The following PLAGL1 variants were observed in gnomAD, a reference collection of about 807,000 sequenced individuals.
The protein encoded by PLAGL1 is PLAG1 like zinc finger 1, also known as zinc finger protein PLAGL1.
A neutral mutation model predicts 4.6 loss-of-function variants in PLAGL1; 1 was observed. The ratio of observed to expected loss-of-function variants is 0.22; its 90% CI spans 0.08 to 1.03. The LOEUF (loss-of-function observed/expected upper bound fraction) is 1.03, where lower values mean the gene tolerates loss of function less well. Among genes scored for constraint, PLAGL1 ranks in the 50% least tolerant of loss-of-function variants. The pLI, the probability that PLAGL1 is intolerant of heterozygous loss-of-function variation, is 0.58. For missense variants in PLAGL1, 464 were observed against 570.4 expected (o/e 0.81, Z 1.90); for synonymous variants, 240 against 237.8 (o/e 1.01, Z -0.08).
At chr6:143,986,789 C>T (rs12660374) in intron 1 of PLAGL1, among the ~76,000 whole-genome samples, 9,749 of 152,172 alleles carry the variant, frequency 0.064, 424 homozygotes, top group East Asian at 0.19. Context: ...GCTTAAAAGG[C>T]GCCTGCTCAA....
In PLAGL1 at chr6:143,990,852, T is replaced by C. The variant is rs980295902; in HGVS notation, c.-583-5678A>G. 6.6e-6 allele frequency among the ~76,000 whole-genome samples: 1 copy of C among 152,212 alleles called. No individual in the cohort carries two copies. Among genetic ancestry groups the C allele is most frequent in the African/African-American group, 2.4e-5 (1 of 41,454 alleles). ...CAGACACATTCCTTAGAATATCTCA[T>C]TGTTTTTCATTATTTTTAATTGAGA... is the stretch of plus-strand genomic sequence containing the variant. On this transcript the variant is annotated intron_variant, in intron 1 of 7. Transcript: ENST00000674357. This position sits in a 1 kb window ranked among gnomAD's most constrained non-coding sequence, Gnocchi z 5.4.
Position 143,945,259 on chromosome 6 carries a change from C to G in PLAGL1, c.153-2596G>C, listed in dbSNP as rs754919401. Reference sequence around the variant, plus strand: ...AAACAGCTTTAGTATGTCCTAGAGTCAGTACCCAATGCCACCATCTTTGGG... The same window carrying G: ...AAACAGCTTTAGTATGTCCTAGAGTGAGTACCCAATGCCACCATCTTTGGG... On this transcript the variant is annotated intron_variant, in intron 7 of 7. Transcript: ENST00000674357. The surrounding 1 kb of genome is among the most constrained non-coding windows in gnomAD (Gnocchi z 4.2). Among the ~76,000 whole-genome samples, 1 of 152,164 alleles carries G rather than the reference C, an allele frequency of 6.6e-6. No individual in the cohort carries two copies. The highest frequency in any genetic ancestry group is 1.5e-5 in the Non-Finnish European group (1 of 68,028).
In PLAGL1 at chr6:144,055,433, T is replaced by C. The variant is rs981843267; in HGVS notation, c.-151+9035A>G. Among the ~76,000 whole-genome samples the C allele has an allele frequency of 6.6e-6, 1 of 152,200 alleles. No individual in the cohort carries two copies. The highest frequency in any genetic ancestry group is 1.5e-5 in the Non-Finnish European group (1 of 68,036). Reference sequence around the variant, plus strand: ...TTTATTATACAGATGAGGCTTATGGTTTAAATGGAGGTTCTTATCTGTGTT... The same window carrying C: ...TTTATTATACAGATGAGGCTTATGGCTTAAATGGAGGTTCTTATCTGTGTT... On this transcript the variant is annotated intron_variant, in intron 1 of 3. Transcript: ENST00000437412. The surrounding 1 kb of genome is among the most constrained non-coding windows in gnomAD (Gnocchi z 5.0).
rs181019001 is a variant in PLAGL1 at position 143,959,551 on chromosome 6, T to A, written c.-325+918A>T. ...AAATATTTAGTGACAATATTGTATTTCAGTAGGAGTCGGAATACTATTTAA... is the reference window on the plus strand; with the variant it reads ...AAATATTTAGTGACAATATTGTATTACAGTAGGAGTCGGAATACTATTTAA... On this transcript the variant is annotated intron_variant, in intron 6 of 7. Transcript: ENST00000674357. This position sits in a 1 kb window ranked among gnomAD's most constrained non-coding sequence, Gnocchi z 5.3. Among the ~76,000 whole-genome samples, 1 of 152,340 alleles carries A rather than the reference T, an allele frequency of 6.6e-6. No homozygotes were observed. The highest frequency in any genetic ancestry group is 1.9e-4 in the East Asian group (1 of 5,190).
At chr6:144,062,126 C>T (rs1183545417) in intron 1 of PLAGL1, among the ~76,000 whole-genome samples, 1 of 151,902 alleles carries the variant, frequency 6.6e-6, no homozygotes, top group Non-Finnish European at 1.5e-5. Context: ...GCCTATAATC[C>T]CAGAACTATG....
Position 144,016,787 on chromosome 6 carries a change from C to A in PLAGL1, c.-151+47681G>T, listed in dbSNP as rs189361757. ...TCAGTAAGTGTCATTAAATTATTTC[C>A]TTTCTTATTTGGATAGGATGAGGAG... On this transcript the variant is annotated intron_variant, in intron 1 of 3. Coordinates refer to the PLAGL1 transcript ENST00000437412. The surrounding 1 kb of genome is among the most constrained non-coding windows in gnomAD (Gnocchi z 4.2). Among the ~76,000 whole-genome samples the A allele has an allele frequency of 8.4e-4, 128 of 152,274 alleles. No individual in the cohort carries two copies. Among genetic ancestry groups the A allele is most frequent in the Non-Finnish European group, 9.0e-4 (61 of 68,024 alleles).
rs761089335 is a variant in PLAGL1, at chr6:143,948,001, T to C, written c.136A>G (p.Arg46Gly). ...QPDCGKAFVS[R>G]YKLMRHMATH... ...GCCTCTCACCTCATCAATTTATATCTGGAAACAAAGGCTTTGCCACAGTCA... is the reference window on the plus strand; with the variant it reads ...GCCTCTCACCTCATCAATTTATATCCGGAAACAAAGGCTTTGCCACAGTCA... Residue 46 changes from arginine (R) to glycine (G), a missense_variant, in exon 7 of 8, where the codon AGA becomes GGA. By Grantham distance (125) the Arg-to-Gly change is moderately radical (BLOSUM62 -2). Transcript: ENST00000674357. The surrounding 1 kb of genome is among the most constrained non-coding windows in gnomAD (Gnocchi z 6.0). 8 of 1,614,072 alleles carry C rather than the reference T, an allele frequency of 5.0e-6. No individual in the cohort carries two copies. Among genetic ancestry groups the C allele is most frequent in the Non-Finnish European group, 6.8e-6 (8 of 1,179,924 alleles).
Position 143,985,444 on chromosome 6 carries a change from C to A in PLAGL1, c.-583-270G>T, listed in dbSNP as rs1788794006. Among the ~76,000 whole-genome samples, 1 of 152,138 alleles carries A rather than the reference C, an allele frequency of 6.6e-6. No individual in the cohort carries two copies. On this transcript the variant is annotated intron_variant, in intron 1 of 7. Coordinates refer to ENST00000674357, the MANE Select transcript of PLAGL1 (RefSeq NM_001317162.2). The surrounding 1 kb of genome is among the most constrained non-coding windows in gnomAD (Gnocchi z 4.4). ...CATGTGTAGGCTCACATATCTACCA[C>A]TAGTCAAAATATTGAACAGTTCCAT...
Position 143,965,426 on chromosome 6 carries a change from C to A in PLAGL1, c.-430-608G>T, listed in dbSNP as rs1784237232. 6.6e-6 allele frequency: 1 copy of A among 152,128 alleles called. No homozygotes were observed. The highest frequency in any genetic ancestry group is 2.4e-5 in the African/African-American group (1 of 41,404). 9.4% of individuals were successfully genotyped at this position (152,128 alleles called of 1,614,324 possible). A position where few individuals can be genotyped will look rare whatever the true frequency, so the allele number is the denominator to read the frequency against. On this transcript the variant is annotated intron_variant, in intron 4 of 7. Transcript: ENST00000674357. This position sits in a 1 kb window ranked among gnomAD's most constrained non-coding sequence, Gnocchi z 7.5. ...CCTCACATTCCTAAGAATCAGCAACCAAGGGACCCCATTTTTCTGCCAAAT... is the reference window on the plus strand; with the variant it reads ...CCTCACATTCCTAAGAATCAGCAACAAAGGGACCCCATTTTTCTGCCAAAT...
chr6:144,027,579 C>G lies in PLAGL1; in HGVS notation c.-151+36889G>C, dbSNP rs1796462857. On this transcript the variant is annotated intron_variant, in intron 1 of 3. Coordinates refer to the PLAGL1 transcript ENST00000437412. This position sits in a 1 kb window ranked among gnomAD's most constrained non-coding sequence, Gnocchi z 5.8. ...CACCATCCTCCAGCACCAACTGCAC[C>G]CATGGAAAAGAACCTATAAAAGCAC... Among the ~76,000 whole-genome samples the G allele has an allele frequency of 6.6e-6, 1 of 152,266 alleles. No individual in the cohort carries two copies. The highest frequency in any genetic ancestry group is 2.1e-4 in the South Asian group (1 of 4,824).
intron 6 of PLAGL1, among the ~76,000 whole-genome samples, chr6:143,956,591 T>C (rs1782193976): frequency 6.6e-6 from 1 of 152,226 alleles, no homozygotes; most frequent in South Asian, 2.1e-4. Flanking sequence ...TCTCTTCTAC[T>C]AGAAGAAGGT....
upstream of PLAGL1, among the ~76,000 whole-genome samples, chr6:144,010,299 A>C (rs939730748): frequency 6.6e-6 from 1 of 152,174 alleles, no homozygotes; most frequent in Admixed American, 6.5e-5. This position sits in a 1 kb window ranked among gnomAD's most constrained non-coding sequence, Gnocchi z 4.1. Flanking sequence ...GCATTCCTAT[A>C]CCCCAATAGT....
chr6:143,980,632 C>G (rs530720179), intron 2 of PLAGL1, among the ~76,000 whole-genome samples: 1 of 152,196 alleles, frequency 6.6e-6, no homozygotes, highest in East Asian at 1.9e-4. Context: ...CTTATTAAAT[C>G]TATTTAATTT....
rs1455595541 is a variant in PLAGL1, at chr6:143,979,003, TG to T, written c.-544+6131del. ...AACATTTAAGATCATTTATTCTTGATGAGTTCACCACTTTATCATTATGAAA... is the reference window on the plus strand; with the variant it reads ...AACATTTAAGATCATTTATTCTTGATAGTTCACCACTTTATCATTATGAAA... On this transcript the variant is annotated intron_variant, in intron 2 of 7. Coordinates refer to ENST00000674357, the MANE Select transcript of PLAGL1 (RefSeq NM_001317162.2). The surrounding 1 kb of genome is among the most constrained non-coding windows in gnomAD (Gnocchi z 4.6). Among the ~76,000 whole-genome samples, 1 of 152,228 alleles carries T rather than the reference TG, an allele frequency of 6.6e-6. No individual in the cohort carries two copies. Among genetic ancestry groups the T allele is most frequent in the Non-Finnish European group, 1.5e-5 (1 of 68,012 alleles).
chr6:144,060,246 AC>A (rs1562622896), intron 1 of PLAGL1, among the ~76,000 whole-genome samples: 1 of 152,040 alleles, frequency 6.6e-6, no homozygotes, highest in Non-Finnish European at 1.5e-5. Context: ...GTGGGGTTTC[AC>A]CATGTTGCCA....
intron 1 of PLAGL1, among the ~76,000 whole-genome samples, chr6:144,051,943 C>T (rs1191762807): frequency 6.6e-6 from 1 of 152,166 alleles, no homozygotes; most frequent in Non-Finnish European, 1.5e-5. Context: ...GGGACACAGC[C>T]AAACCATATC....
rs771366577 is a variant in PLAGL1, at chr6:143,950,079, A to G, written c.-324-1619T>C. Reference sequence around the variant, plus strand: ...GTGTCTGGACAGAGTTCGCGGTACCAAGCAAATACCCCTCACCATCCTGCC... The same window carrying G: ...GTGTCTGGACAGAGTTCGCGGTACCGAGCAAATACCCCTCACCATCCTGCC... On this transcript the variant is annotated intron_variant, in intron 6 of 7. Transcript: ENST00000674357. This position sits in a 1 kb window ranked among gnomAD's most constrained non-coding sequence, Gnocchi z 6.3. Among the ~76,000 whole-genome samples, 1 of 152,152 alleles carries G rather than the reference A, an allele frequency of 6.6e-6. No homozygotes were observed. Among genetic ancestry groups the G allele is most frequent in the Non-Finnish European group, 1.5e-5 (1 of 68,036 alleles).
rs999430935 is a variant in PLAGL1, at chr6:143,950,420, G to A, written c.-324-1960C>T. On this transcript the variant is annotated intron_variant, in intron 6 of 7. Transcript: ENST00000674357. This position sits in a 1 kb window ranked among gnomAD's most constrained non-coding sequence, Gnocchi z 6.3. ...TAACTCCTTCTAGGAATTCTATTCC[G>A]CCTGCCGAGTTTGCTCTGCTAGGTA... is the stretch of plus-strand genomic sequence containing the variant. Among the ~76,000 whole-genome samples, 14 of 151,964 alleles carry A rather than the reference G, an allele frequency of 9.2e-5. No individual in the cohort carries two copies. Among genetic ancestry groups the A allele is most frequent in the East Asian group, 1.9e-4 (1 of 5,192 alleles).
chr6:144,054,426 G>A (rs1377663387), intron 1 of PLAGL1, among the ~76,000 whole-genome samples: 1 of 152,158 alleles, frequency 6.6e-6, no homozygotes, highest in African/African-American at 2.4e-5. Context: ...CCATAAAAAG[G>A]AATGATATCA....
Sources: gnomAD v4.1 joint callset for allele counts (sites outside exome capture counted in the v4.1 genomes callset) on GRCh38, gnomAD v4.1.1 for gene constraint, Gnocchi (gnomAD v3.1) non-coding constraint, MANE v1.5 for transcripts, NCBI Gene and HGNC (gene_info 2026-07-23, HGNC 2026-07-21) for gene names.